CCDC63: variants seen among roughly 807,000 people sequenced by gnomAD.
The protein encoded by CCDC63 is coiled-coil domain containing 63.
Under a neutral mutation model 63.6 loss-of-function variants are expected in CCDC63, and 54 were observed. The observed-to-expected ratio is 0.85, with a 90% CI of 0.68 to 1.07. CCDC63 has a LOEUF of 1.07. Ranked by LOEUF, CCDC63 falls within the 50% of genes least tolerant of loss-of-function variation. The probability of loss-of-function intolerance (pLI) is 0.00; values close to 1 mark genes in which losing one functional copy is unlikely to be tolerated. For synonymous variants in CCDC63, 253 were observed against 266.1 expected (o/e 0.95, Z 0.48); for missense variants, 637 against 689.6 (o/e 0.92, Z 0.86).
At chr12:110,853,611 G>A (rs755941958) in intron 3 of CCDC63, 37 bp downstream of exon 3, 2 of 1,612,812 alleles carry the variant, frequency 1.2e-6, no homozygotes, top group Non-Finnish European at 1.7e-6. Flanking sequence ...GAGTGACCTT[G>A]GAGGAAAGTT....
intron 10 of CCDC63, 32 bp downstream of exon 10, chr12:110,899,157 G>A: frequency 6.3e-7 from 1 of 1,579,464 alleles, no homozygotes; most frequent in Non-Finnish European, 8.6e-7. Context: ...TGGAGTCTTA[G>A]GAAACATTTC....
chr12:110,892,861 A>G (rs2071374142), intron 8 of CCDC63, among the ~76,000 whole-genome samples: 1 of 150,828 alleles, frequency 6.6e-6, no homozygotes, highest in African/African-American at 2.4e-5. Context: ...CACCCCTCCC[A>G]CCCCCTTTCA....
At chr12:110,887,894 C>T (rs1375947944) in intron 8 of CCDC63, among the ~76,000 whole-genome samples, 1 of 152,126 alleles carries the variant, frequency 6.6e-6, no homozygotes, top group African/African-American at 2.4e-5. Flanking sequence ...CGCGCCCGGC[C>T]CCAGCCTTCT....
At chr12:110,886,335 G>A (rs1004027146) in intron 8 of CCDC63, among the ~76,000 whole-genome samples, 3 of 152,088 alleles carry the variant, frequency 2.0e-5, no homozygotes, top group Non-Finnish European at 4.4e-5. Context: ...GCAGTGAGCC[G>A]AGATGGCGCC....
chr12:110,854,098 G>A (rs1353234144), intron 3 of CCDC63, among the ~76,000 whole-genome samples: 2 of 152,122 alleles, frequency 1.3e-5, no homozygotes, highest in African/African-American at 2.4e-5. Context: ...ACACAAAAAT[G>A]TCTGGGGCTG....
intron 4 of CCDC63, among the ~76,000 whole-genome samples, chr12:110,870,167 C>T (rs1342621128): frequency 1.3e-5 from 2 of 152,234 alleles, no homozygotes. Context: ...ACTGCAACCT[C>T]TACCTCCCAG....
At position 110,907,522 on chromosome 12, in the gene CCDC63, T is replaced by C; in HGVS notation, c.*46T>C. 1 of 1,608,112 alleles carries C rather than the reference T, an allele frequency of 6.2e-7. No homozygotes were observed. The highest frequency in any genetic ancestry group is 8.5e-7 in the Non-Finnish European group (1 of 1,175,746). On this transcript the variant is annotated 3_prime_UTR_variant, in exon 12 of 12. Transcript: ENST00000308208. The surrounding 1 kb of genome is among the most constrained non-coding windows in gnomAD (Gnocchi z 4.4). ...TTTGCAACATAACCGAAAGAATAAA[T>C]GTTTTGTTCTGTAGCCTCGTGCCTG...
At position 110,853,331 on chromosome 12, in the gene CCDC63, CTCTTAAGCCCA is replaced by C. The variant is rs1593634857; in HGVS notation, c.10-70_10-60del. On this transcript the variant is annotated intron_variant, in intron 2 of 11. Coordinates refer to ENST00000308208, the MANE Select transcript of CCDC63 (RefSeq NM_152591.3). ...GCCCAGCCACCCCCACTGCCCTTCA[CTCTTAAGCCCA>C]TCTGTGGGCTTCTCTAGCCACCTGG... 4.1e-6 allele frequency: 6 copies of C among 1,468,384 alleles called. No individual in the cohort carries two copies. The East Asian group carries it at 1.4e-4, about 34-fold the overall frequency. 91.0% of individuals were successfully genotyped at this position (1,468,384 alleles called of 1,614,324 possible).
intron 1 of CCDC63, among the ~76,000 whole-genome samples, chr12:110,849,257 T>C (rs1320764692): frequency 1.3e-5 from 2 of 152,234 alleles, no homozygotes; most frequent in Non-Finnish European, 2.9e-5. Flanking sequence ...TAAACAACAG[T>C]GACTCTTGCT....
chr12:110,886,526 G>C (rs1311057566), intron 8 of CCDC63, among the ~76,000 whole-genome samples: 1 of 152,226 alleles, frequency 6.6e-6, no homozygotes, highest in Admixed American at 6.5e-5. Flanking sequence ...AGTAGCCAGA[G>C]CTCCAGAAAT....
chr12:110,867,248 A>G (rs1593655532), intron 4 of CCDC63, among the ~76,000 whole-genome samples: 2 of 99,594 alleles, frequency 2.0e-5, no homozygotes, highest in African/African-American at 3.9e-5. Flanking sequence ...TCCCTCCCGG[A>G]CGGGGCGGCT....
intron 9 of CCDC63, among the ~76,000 whole-genome samples, chr12:110,896,766 G>A (rs541839298): frequency 1.3e-5 from 2 of 152,332 alleles, no homozygotes; most frequent in Admixed American, 1.3e-4. Flanking sequence ...GTGGAGTTGG[G>A]CAGCAAATAT....
At position 110,893,866 on chromosome 12, in the gene CCDC63, C is replaced by T. The variant is rs541409852; in HGVS notation, c.1149+716C>T. On this transcript the variant is annotated intron_variant, in intron 9 of 11. Transcript: ENST00000308208. Reference sequence around the variant, plus strand: ...ACAAAAATTAGCCAGGTGGTAGTGGCGCACACCTGTAATCCCAGCTACTTG... The same window carrying T: ...ACAAAAATTAGCCAGGTGGTAGTGGTGCACACCTGTAATCCCAGCTACTTG... Among the ~76,000 whole-genome samples, 144 of 152,054 alleles carry T rather than the reference C, an allele frequency of 9.5e-4. 1 individual carries two copies. The highest frequency in any genetic ancestry group is 2.9e-3 in the African/African-American group (121 of 41,484).
At chr12:110,890,122 A>G (rs1194550760) in intron 8 of CCDC63, among the ~76,000 whole-genome samples, 1 of 151,974 alleles carries the variant, frequency 6.6e-6, no homozygotes, top group Non-Finnish European at 1.5e-5. Flanking sequence ...GCGAAACCCC[A>G]TCTCTACAAA....
chr12:110,890,773 CTTTTTTTTTTT>C (rs769120162), intron 8 of CCDC63, among the ~76,000 whole-genome samples: 6 of 98,408 alleles, frequency 6.1e-5, no homozygotes, highest in South Asian at 6.6e-4. Flanking sequence ...TCCTCCTTTT[CTTTTTTTTTTT>C]TTTTTTTTTT....
chr12:110,879,809 G>A (rs890084525), intron 5 of CCDC63, 97 bp from the exon 6 acceptor site: 16 of 1,184,526 alleles, frequency 1.4e-5, no homozygotes, highest in Non-Finnish European at 1.8e-5. Context: ...TTGCGTATGA[G>A]GTGGGGCAAA....
chr12:110,898,841 C>A (rs745798017), intron 9 of CCDC63, 92 bp from the exon 10 acceptor site: 38 of 950,734 alleles, frequency 4.0e-5, no homozygotes, highest in Non-Finnish European at 5.4e-5. Context: ...GTTTGAAAAC[C>A]CGCAGTTTGG....
chr12:110,865,848 C>T (rs1221105141), intron 4 of CCDC63, among the ~76,000 whole-genome samples: 1 of 152,214 alleles, frequency 6.6e-6, no homozygotes, highest in Non-Finnish European at 1.5e-5. Flanking sequence ...CTTCTACTTT[C>T]CTCCCTGGAA....
chr12:110,856,430 C>G (rs976771437), intron 3 of CCDC63, among the ~76,000 whole-genome samples: 1 of 152,050 alleles, frequency 6.6e-6, no homozygotes, highest in African/African-American at 2.4e-5. Context: ...TTCTCTCCAC[C>G]TTAACAAAGA....
Sources: gnomAD v4.1 joint callset for allele counts (sites outside exome capture counted in the v4.1 genomes callset) on GRCh38, gnomAD v4.1.1 for gene constraint, Gnocchi (gnomAD v3.1) non-coding constraint, MANE v1.5 for transcripts, NCBI Gene and HGNC (gene_info 2026-07-23, HGNC 2026-07-21) for gene names.